SUPT5H: variants seen among roughly 807,000 people sequenced by gnomAD.
SUPT5H encodes the protein transcription elongation factor SPT5.
Under a neutral mutation model 142.5 loss-of-function variants are expected in SUPT5H, and 24 were observed. The ratio of observed to expected loss-of-function variants is 0.17; its 90% CI spans 0.12 to 0.24. The LOEUF is 0.24. Ranked by LOEUF, SUPT5H falls within the 10% of genes least tolerant of loss-of-function variation. SUPT5H has a pLI of 1.00. For synonymous variants in SUPT5H, 546 were observed against 553.0 expected (o/e 0.99, Z 0.18); for missense variants, 893 against 1,471.8 (o/e 0.61, Z 6.43).
At chr19:39,453,826 A>G (rs528165837) in intron 3 of SUPT5H, among the ~76,000 whole-genome samples, 2 of 152,274 alleles carry the variant, frequency 1.3e-5, no homozygotes, top group South Asian at 4.1e-4. Flanking sequence ...TGGCCTCCCA[A>G]AATGCTGGGA....
In SUPT5H at chr19:39,469,927, C is replaced by G; in HGVS notation, c.1375-192C>G. ...GGGTAAAGGTTGTCCAGGTTGGTGT[C>G]CTGTGTCTGGGGTCAGCTGTTTCTG... On this transcript the variant is annotated intron_variant, in intron 16 of 29. Transcript: ENST00000432763. This position sits in a 1 kb window ranked among gnomAD's most constrained non-coding sequence, Gnocchi z 5.1. 1.5e-6 allele frequency: 1 copy of G among 672,470 alleles called. No individual in the cohort carries two copies. Among genetic ancestry groups the G allele is most frequent in the Non-Finnish European group, 2.4e-6 (1 of 409,480 alleles). 41.7% of individuals were successfully genotyped at this position (672,470 alleles called of 1,614,324 possible). A position where few individuals can be genotyped will look rare whatever the true frequency, so the allele number is the denominator to read the frequency against.
Position 39,470,937 on chromosome 19 carries a change from C to T in SUPT5H, c.1677+414C>T, listed in dbSNP as rs2079310952. On this transcript the variant is annotated intron_variant, in intron 18 of 29. Coordinates refer to ENST00000432763, the MANE Select transcript of SUPT5H (RefSeq NM_001111020.3). This position sits in a 1 kb window ranked among gnomAD's most constrained non-coding sequence, Gnocchi z 5.8. The stretch of plus-strand genomic sequence containing the variant: ...CTTTGTTGCTCCTGTGCTGTCTGAC[C>T]CTGGGCTAGTGACTCACCCTCTCTG... 6.6e-6 allele frequency among the ~76,000 whole-genome samples: 1 copy of T among 152,098 alleles called. No homozygotes were observed. Among genetic ancestry groups the T allele is most frequent in the African/African-American group, 2.4e-5 (1 of 41,390 alleles).
Position 39,458,240 on chromosome 19 carries a change from A to G in SUPT5H, c.308-54A>G. 1.5e-6 allele frequency: 1 copy of G among 672,260 alleles called. No homozygotes were observed. The highest frequency in any genetic ancestry group is 2.3e-6 in the Non-Finnish European group (1 of 436,912). The allele number at this position is 672,260 out of a possible 1,614,324, so 41.6% of individuals were successfully genotyped here. On this transcript the variant is annotated intron_variant, in intron 4 of 29. Transcript: ENST00000432763. This position sits in a 1 kb window ranked among gnomAD's most constrained non-coding sequence, Gnocchi z 4.2. ...ACTTTGTCTGCCCTCGCCCACCACC[A>G]CCACCACCACCACCACCACCACCAC...
chr19:39,452,306 C>T (rs756655361), intron 2 of SUPT5H, among the ~76,000 whole-genome samples: 1 of 151,874 alleles, frequency 6.6e-6, no homozygotes, highest in Non-Finnish European at 1.5e-5. Context: ...GATGAGGACA[C>T]GTGTCATCTC....
At chr19:39,448,624 T>C (rs1407325078) in intron 2 of SUPT5H, among the ~76,000 whole-genome samples, 1 of 152,068 alleles carries the variant, frequency 6.6e-6, no homozygotes, top group Non-Finnish European at 1.5e-5. Flanking sequence ...CTGTGAGGCC[T>C]GTCCCCACTG....
Position 39,458,379 on chromosome 19 carries a change from C to T in SUPT5H, c.319+74C>T. ...CATTTCCTCCTTCCTGAGGCACCTG[C>T]CCTCACCGGTAGCCTCCCCACCAGC... On this transcript the variant is annotated intron_variant, in intron 5 of 29. Transcript: ENST00000432763. The surrounding 1 kb of genome is among the most constrained non-coding windows in gnomAD (Gnocchi z 4.2). The T allele has an allele frequency of 1.2e-6, 2 of 1,602,126 alleles. No homozygotes were observed. Among genetic ancestry groups the T allele is most frequent in the Non-Finnish European group, 8.5e-7 (1 of 1,173,994 alleles).
intron 3 of SUPT5H, among the ~76,000 whole-genome samples, chr19:39,454,443 C>T (rs1223729308): frequency 6.8e-6 from 1 of 146,944 alleles, no homozygotes; most frequent in African/African-American, 2.5e-5. Flanking sequence ...CTCCTGGGTT[C>T]AACTGTTTCT....
chr19:39,468,466 A>G, intron 13 of SUPT5H: 1 of 480,548 alleles, frequency 2.1e-6, no homozygotes, highest in Non-Finnish European at 3.8e-6. Flanking sequence ...TACATCCCTG[A>G]CCTTCTGGAG....
At chr19:39,454,564 A>G (rs1600700065) in intron 3 of SUPT5H, among the ~76,000 whole-genome samples, 1 of 150,766 alleles carries the variant, frequency 6.6e-6, no homozygotes, top group Admixed American at 6.6e-5. Flanking sequence ...ATGGTCTCGA[A>G]CTCCTGACCT....
At chr19:39,468,042 G>A (rs1381683339) in intron 13 of SUPT5H, 5 of 152,214 alleles carry the variant, frequency 3.3e-5, no homozygotes, top group African/African-American at 9.7e-5. Context: ...GGGAGAAGGC[G>A]ATTGCATGAG....
In SUPT5H at chr19:39,466,569, G is replaced by C. The variant is rs368395961; in HGVS notation, c.966G>C (p.Leu322Phe). ...ATCGCATCAAGGCCCGCATGAGCTT[G>C]GTACTCAGGGGAATCTGTGGCCTGG... is the stretch of plus-strand genomic sequence containing the variant. ...DYDRIKARMS[L>F]KDWFAKRKKF... is the part of the protein sequence containing the mutation. The change falls in exon 12 of 30, where the codon TTG becomes TTC. Residue 322 changes from leucine (L) to phenylalanine (F), a missense_variant and splice_region_variant. Coordinates refer to ENST00000432763, the MANE Select transcript of SUPT5H (RefSeq NM_001111020.3). The surrounding 1 kb of genome is among the most constrained non-coding windows in gnomAD (Gnocchi z 4.3). 1.9e-6 allele frequency: 3 copies of C among 1,613,208 alleles called. No individual in the cohort carries two copies. In the African/African-American group the frequency reaches 4.0e-5, roughly 22 times the overall value.
rs570927495 is a variant in SUPT5H, at chr19:39,464,852, G to A, written c.679G>A (p.Val227Met). Residue 227 changes from valine (V) to methionine (M), a missense_variant, in exon 11 of 30, where the codon GTG becomes ATG. Physicochemically the swap from Val to Met is conservative, Grantham distance 21. Transcript: ENST00000432763. Reference sequence around the variant, plus strand: ...AGAGCATGTGAAGGGCTACATCTACGTGGAGGCCTACAAGCAGACCCACGT... The same window carrying A: ...AGAGCATGTGAAGGGCTACATCTACATGGAGGCCTACAAGCAGACCCACGT... ...APEHVKGYIY[V>M]EAYKQTHVKQ... The A allele has an allele frequency of 6.2e-6, 10 of 1,614,048 alleles. No homozygotes were observed. The highest frequency in any genetic ancestry group is 8.5e-6 in the Non-Finnish European group (10 of 1,180,032).
At position 39,458,719 on chromosome 19, in the gene SUPT5H, A is replaced by C. The variant is rs575745401; in HGVS notation, c.320-99A>C. 5.2e-6 allele frequency: 6 copies of C among 1,160,714 alleles called. No individual in the cohort carries two copies. The highest frequency in any genetic ancestry group is 1.5e-5 in the South Asian group (1 of 65,140). The allele number at this position is 1,160,714 out of a possible 1,614,324, so 71.9% of individuals were successfully genotyped here. On this transcript the variant is annotated intron_variant, in intron 5 of 29. Coordinates refer to ENST00000432763, the MANE Select transcript of SUPT5H (RefSeq NM_001111020.3). The surrounding 1 kb of genome is among the most constrained non-coding windows in gnomAD (Gnocchi z 4.2). ...CTGTGAGATGTCATCTTCCTGCCCC[A>C]GGGCCAAACCCTGGCCCTCTTAGCT...
chr19:39,458,111 A>T lies in SUPT5H; in HGVS notation c.308-183A>T. On this transcript the variant is annotated intron_variant, in intron 4 of 29. Coordinates refer to ENST00000432763, the MANE Select transcript of SUPT5H (RefSeq NM_001111020.3). This position sits in a 1 kb window ranked among gnomAD's most constrained non-coding sequence, Gnocchi z 4.2. ...CCTCATACATTTCGGCTTCTCCCCA[A>T]CCACCTGGTGCCTGGCCTTTACTTT... The T allele has an allele frequency of 9.3e-7, 1 of 1,079,956 alleles. No individual in the cohort carries two copies. The allele number at this position is 1,079,956 out of a possible 1,614,324, so 66.9% of individuals were successfully genotyped here.
Position 39,474,707 on chromosome 19 carries a change from C to T in SUPT5H, c.3013C>T (p.Arg1005Cys), listed in dbSNP as rs1253262110. Residue 1005 changes from arginine to cysteine, a missense_variant, in exon 28 of 30, where the codon CGC (arginine) becomes TGC (cysteine). Transcript: ENST00000432763. The surrounding 1 kb of genome is among the most constrained non-coding windows in gnomAD (Gnocchi z 6.5). Reference sequence around the variant, plus strand: ...GGTGGTGGGACAGACAGGTGTCATCCGCAGTGTCACGGTACGTGGGGCCCA... The same window carrying T: ...GGTGGTGGGACAGACAGGTGTCATCTGCAGTGTCACGGTACGTGGGGCCCA... Reference protein sequence around the residue: ...TQVVGQTGVIRSVTGGMCSVY... With the variant: ...TQVVGQTGVICSVTGGMCSVY... The T allele has an allele frequency of 5.0e-6, 8 of 1,611,536 alleles. No homozygotes were observed. The highest frequency in any genetic ancestry group is 2.2e-5 in the East Asian group (1 of 44,676).
chr19:39,461,473 A>C (rs1424269181), intron 10 of SUPT5H, among the ~76,000 whole-genome samples: 1 of 152,132 alleles, frequency 6.6e-6, no homozygotes. Context: ...AGGCAAAAGG[A>C]GTTCGAGGCC....
At position 39,469,850 on chromosome 19, in the gene SUPT5H, C is replaced by T; in HGVS notation, c.1375-269C>T. 2.0e-6 allele frequency: 1 copy of T among 494,970 alleles called. No homozygotes were observed. Among genetic ancestry groups the T allele is most frequent in the Non-Finnish European group, 3.6e-6 (1 of 275,244 alleles). 30.7% of individuals were successfully genotyped at this position (494,970 alleles called of 1,614,324 possible). On this transcript the variant is annotated intron_variant, in intron 16 of 29. Transcript: ENST00000432763. The surrounding 1 kb of genome is among the most constrained non-coding windows in gnomAD (Gnocchi z 5.1). ...AGTCGGGGGTCCTGTGTCTGAGGGGCAGGCTCTCTGTGTGGGTATAGGTAG... is the reference window on the plus strand; with the variant it reads ...AGTCGGGGGTCCTGTGTCTGAGGGGTAGGCTCTCTGTGTGGGTATAGGTAG...
At chr19:39,475,950 G>A (rs1255624628) in intron 28 of SUPT5H, 131 bp from the exon 29 acceptor site, 3 of 818,646 alleles carry the variant, frequency 3.7e-6, no homozygotes, top group East Asian at 2.7e-5. Flanking sequence ...ACCAGGCCCA[G>A]CCTTGGCCTT....
In SUPT5H at chr19:39,472,681, G is replaced by A. The variant is rs949552510; in HGVS notation, c.2036-129G>A. 48 of 1,447,804 alleles carry A rather than the reference G, an allele frequency of 3.3e-5. No homozygotes were observed. In the Admixed American group the frequency reaches 4.4e-4, roughly 13 times the overall value. The allele number at this position is 1,447,804 out of a possible 1,614,324, so 89.7% of individuals were successfully genotyped here. On this transcript the variant is annotated intron_variant, in intron 21 of 29. Coordinates refer to ENST00000432763, the MANE Select transcript of SUPT5H (RefSeq NM_001111020.3). This position sits in a 1 kb window ranked among gnomAD's most constrained non-coding sequence, Gnocchi z 4.2. The stretch of plus-strand genomic sequence containing the variant: ...CAGGGCTTCCATAGGAAAGCCATGG[G>A]GCAGGGGTGGGCAGAGGAGGCTCTT...
Sources: allele counts gnomAD v4.1 joint callset (sites outside exome capture counted in the v4.1 genomes callset), GRCh38; gene constraint gnomAD v4.1.1; non-coding constraint Gnocchi (gnomAD v3.1); transcripts MANE v1.5; gene names NCBI Gene and HGNC (gene_info 2026-07-23, HGNC 2026-07-21).